The following SMARCA2 variants were observed in gnomAD, a reference collection of about 807,000 sequenced individuals.
SMARCA2 encodes SWI/SNF related BAF chromatin remodeling complex subunit ATPase 2, also known as SWI/SNF-related matrix-associated actin-dependent regulator of chromatin subfamily A member 2.
Under a neutral mutation model 199.8 loss-of-function variants are expected in SMARCA2, and 61 were observed. The ratio of observed to expected loss-of-function variants is 0.31; its 90% confidence interval spans 0.25 to 0.38. The LOEUF is 0.38. SMARCA2 is among the 10% of genes least tolerant of loss of function. The probability of loss-of-function intolerance (pLI) is 1.00; values close to 1 mark genes in which losing one functional copy is unlikely to be tolerated. For synonymous variants in SMARCA2, 935 were observed against 732.0 expected (o/e 1.28, Z -4.48); for missense variants, 1,344 against 2,012.2 (o/e 0.67, Z 6.35).
intron 31 of SMARCA2, among the ~76,000 whole-genome samples, chr9:2,185,268 T>TCATAGAGTTA (rs1390530191): frequency 6.6e-6 from 1 of 152,256 alleles, no homozygotes; most frequent in Admixed American, 6.5e-5. Context: ...ATGAGTAGAA[T>TCATAGAGTTA]CATAGAGTTA....
chr9:2,045,239 A>C (rs961005204), intron 4 of SMARCA2: 2 of 152,224 alleles, frequency 1.3e-5, no homozygotes, highest in African/African-American at 4.8e-5. Flanking sequence ...CTTTTAGAGG[A>C]CCTAAATGTA....
At chr9:2,035,445 T>C (rs1819288226) in intron 3 of SMARCA2, among the ~76,000 whole-genome samples, 1 of 152,348 alleles carries the variant, frequency 6.6e-6, no homozygotes, top group South Asian at 2.1e-4. Flanking sequence ...GCAGTAGCTC[T>C]AATAGTGGAG....
intron 33 of SMARCA2, chr9:2,192,147 C>T (rs1827930216): frequency 5.8e-6 from 1 of 173,210 alleles, no homozygotes; most frequent in Admixed American, 6.2e-5. Flanking sequence ...GCTCCTAATA[C>T]CTTGCCTTTT....
In SMARCA2 at chr9:2,191,397, C is replaced by G. The variant is rs1827873232; in HGVS notation, c.4726C>G (p.Gln1576Glu). The G allele has an allele frequency of 6.2e-7, 1 of 1,613,980 alleles. No homozygotes were observed. Among genetic ancestry groups the G allele is most frequent in the African/African-American group, 1.3e-5 (1 of 74,926 alleles). Residue 1576 changes from glutamine (Q) to glutamate (E), a missense_variant, in exon 33 of 34, where the codon CAG (glutamine) becomes GAG (glutamate). This residue lies in a region of SMARCA2 where 155 missense variants were observed against 121.1 expected (regional missense o/e 1.28). Coordinates refer to ENST00000349721, the MANE Select transcript of SMARCA2 (RefSeq NM_003070.5). Reference sequence around the variant, plus strand: ...GAGCGATTTTGACAGCGATGAGGAGCAGGATGAACGTGTAAGTGTAGCCGA... The same window carrying G: ...GAGCGATTTTGACAGCGATGAGGAGGAGGATGAACGTGTAAGTGTAGCCGA... The part of the protein sequence containing the change: ...VVSDFDSDEE[Q>E]DEREQSEGSG...
chr9:2,081,011 T>TA (rs1395433997), intron 14 of SMARCA2, among the ~76,000 whole-genome samples: 8 of 152,328 alleles, frequency 5.3e-5, no homozygotes, highest in Admixed American at 2.6e-4. Context: ...TGTTCTTACA[T>TA]AAAAAATTAA....
chr9:2,093,713 CTT>C (rs1179472589), intron 19 of SMARCA2, among the ~76,000 whole-genome samples: 6 of 152,210 alleles, frequency 3.9e-5, no homozygotes, highest in Admixed American at 2.6e-4. Context: ...CATCTTGTCT[CTT>C]TTCCCATTCC....
rs765675746 is a variant in SMARCA2, at chr9:2,103,987, A to AT, written c.3126-9dup. 180 of 1,606,968 alleles carry AT rather than the reference A, an allele frequency of 1.1e-4. No individual in the cohort carries two copies. The highest frequency in any genetic ancestry group is 1.5e-4 in the Non-Finnish European group (175 of 1,176,912). ...AGTAATACTGTCTTCTTGTTTTTGC[A>AT]TTTTTTTGGGTTCAGGGCTGAACTG... On this transcript the variant is annotated splice_polypyrimidine_tract_variant and intron_variant, in intron 22 of 33. Transcript: ENST00000349721.
chr9:2,083,718 G>A (rs1821668902), intron 16 of SMARCA2, among the ~76,000 whole-genome samples: 1 of 152,220 alleles, frequency 6.6e-6, no homozygotes, highest in Admixed American at 6.5e-5. Context: ...GGCTGCTACT[G>A]TGCTGACTGT....
chr9:2,016,764 A>C lies in SMARCA2; in HGVS notation c.-37+1360A>C, dbSNP rs1818371094. Among the ~76,000 whole-genome samples, 1 of 152,124 alleles carries C rather than the reference A, an allele frequency of 6.6e-6. No homozygotes were observed. The highest frequency in any genetic ancestry group is 1.5e-5 in the Non-Finnish European group (1 of 67,990). On this transcript the variant is annotated intron_variant, in intron 1 of 33. Coordinates refer to ENST00000349721, the MANE Select transcript of SMARCA2 (RefSeq NM_003070.5). This position sits in a 1 kb window ranked among gnomAD's most constrained non-coding sequence, Gnocchi z 5.6. ...ACTCCTTCCTTCTCGCTCCCTGCTCAGGAGTTTGCTTTATTCCCATCCCAA... is the reference window on the plus strand; with the variant it reads ...ACTCCTTCCTTCTCGCTCCCTGCTCCGGAGTTTGCTTTATTCCCATCCCAA...
Position 2,110,197 on chromosome 9 carries a change from T to C in SMARCA2, c.3293-57T>C. The C allele has an allele frequency of 7.0e-7, 1 of 1,426,812 alleles. No individual in the cohort carries two copies. Among genetic ancestry groups the C allele is most frequent in the East Asian group, 2.3e-5 (1 of 42,916 alleles). The allele number at this position is 1,426,812 out of a possible 1,614,324, so 88.4% of individuals were successfully genotyped here. Reference sequence around the variant, plus strand: ...AAGGAAGCAAGCCTTTTTGTCTCATTCTGTGCCATTTTCAGACAAGAGTTA... The same window carrying C: ...AAGGAAGCAAGCCTTTTTGTCTCATCCTGTGCCATTTTCAGACAAGAGTTA... On this transcript the variant is annotated intron_variant, in intron 23 of 33. Coordinates refer to ENST00000349721, the MANE Select transcript of SMARCA2 (RefSeq NM_003070.5). This position sits in a 1 kb window ranked among gnomAD's most constrained non-coding sequence, Gnocchi z 4.8.
At chr9:2,147,998 C>T (rs974572094) in intron 27 of SMARCA2, among the ~76,000 whole-genome samples, 4 of 151,590 alleles carry the variant, frequency 2.6e-5, no homozygotes, top group African/African-American at 7.2e-5. Context: ...TATACCCAGC[C>T]ATGAATGAGA....
chr9:2,068,118 G>A (rs1000510797), intron 9 of SMARCA2, among the ~76,000 whole-genome samples: 1 of 152,216 alleles, frequency 6.6e-6, no homozygotes, highest in African/African-American at 2.4e-5. Flanking sequence ...ACAGTCCCCT[G>A]AGTATAGATT....
chr9:2,057,587 A>AT (rs1820411554), intron 7 of SMARCA2, among the ~76,000 whole-genome samples: 1 of 152,246 alleles, frequency 6.6e-6, no homozygotes, highest in African/African-American at 2.4e-5. Flanking sequence ...CATAACAAAT[A>AT]TAATAGTGTC....
intron 29 of SMARCA2, among the ~76,000 whole-genome samples, chr9:2,180,170 A>C (rs140394300): frequency 6.6e-6 from 1 of 152,232 alleles, no homozygotes; most frequent in African/African-American, 2.4e-5. Context: ...CCTGAGTAAA[A>C]TGCAGTCTTC....
At position 2,170,602 on chromosome 9, in the gene SMARCA2, G is replaced by A. The variant is rs537894885; in HGVS notation, c.4253+130G>A. ...CACCTCCTGATCACCCCTACTTGGA[G>A]AGCGGGATAGAGGCACAGATACTCT... is the stretch of plus-strand genomic sequence containing the variant. On this transcript the variant is annotated intron_variant, in intron 29 of 33. Transcript: ENST00000349721. This position sits in a 1 kb window ranked among gnomAD's most constrained non-coding sequence, Gnocchi z 4.7. 3 of 1,434,612 alleles carry A rather than the reference G, an allele frequency of 2.1e-6. No homozygotes were observed. Among genetic ancestry groups the A allele is most frequent in the African/African-American group, 1.4e-5 (1 of 71,326 alleles). The allele number at this position is 1,434,612 out of a possible 1,614,324, so 88.9% of individuals were successfully genotyped here.
In SMARCA2 at chr9:2,119,621, T is replaced by C. The variant is rs1290324875; in HGVS notation, c.3762+86T>C. ...GCAGAATGTCTGCAGCCTGCGTGCCTGGCAGAACTTCATACGTAAAGCCTA... is the reference window on the plus strand; with the variant it reads ...GCAGAATGTCTGCAGCCTGCGTGCCCGGCAGAACTTCATACGTAAAGCCTA... On this transcript the variant is annotated intron_variant, in intron 26 of 33. Transcript: ENST00000349721. This position sits in a 1 kb window ranked among gnomAD's most constrained non-coding sequence, Gnocchi z 4.6. The C allele has an allele frequency of 2.3e-6, 2 of 886,090 alleles. No homozygotes were observed. Among genetic ancestry groups the C allele is most frequent in the Non-Finnish European group, 1.8e-6 (1 of 540,594 alleles). The allele number at this position is 886,090 out of a possible 1,614,324, so 54.9% of individuals were successfully genotyped here. A position where few individuals can be genotyped will look rare whatever the true frequency, so the allele number is the denominator to read the frequency against.
chr9:2,172,030 G>T (rs990484173), intron 29 of SMARCA2, among the ~76,000 whole-genome samples: 7 of 152,220 alleles, frequency 4.6e-5, no homozygotes, highest in African/African-American at 1.7e-4. Context: ...AGACATAGCA[G>T]TGGGCTTGGT....
At chr9:2,192,302 T>C (rs150564764) in intron 33 of SMARCA2, 1 of 173,486 alleles carries the variant, frequency 5.8e-6, no homozygotes, top group Non-Finnish European at 1.2e-5. Flanking sequence ...TTCAGAATTA[T>C]GATCTCACCC....
At chr9:2,099,427 T>A (rs1290501588) in intron 21 of SMARCA2, among the ~76,000 whole-genome samples, 1 of 152,104 alleles carries the variant, frequency 6.6e-6, no homozygotes, top group East Asian at 1.9e-4. Context: ...ATAAAAGAAA[T>A]GACCCCTTGA....
Sources: allele counts gnomAD v4.1 joint callset (sites outside exome capture counted in the v4.1 genomes callset), GRCh38; gene constraint gnomAD v4.1.1; regional missense constraint gnomAD v4.1.1; non-coding constraint Gnocchi (gnomAD v3.1); transcripts MANE v1.5; gene names NCBI Gene and HGNC (gene_info 2026-07-23, HGNC 2026-07-21).